Variants in NEMP2 observed in about 807,000 individuals in gnomAD.
NEMP2 encodes nuclear envelope integral membrane protein 2.
In NEMP2, 53 loss-of-function variants were observed where a neutral mutation model predicts 54.2. That is an observed-to-expected ratio of 0.98 (90% confidence interval 0.78 to 1.23). The LOEUF is 1.23. Among genes scored for constraint, NEMP2 ranks in the 50% most tolerant of loss-of-function variants. The pLI is 0.00. For synonymous variants in NEMP2, 197 were observed against 190.3 expected (o/e 1.04, Z -0.29); for missense variants, 455 against 511.3 (o/e 0.89, Z 1.06).
the NEMP2 span, among the ~76,000 whole-genome samples, chr2:190,601,614 T>C: frequency 6.6e-6 from 1 of 152,186 alleles, no homozygotes; most frequent in Non-Finnish European, 1.5e-5. This position sits in a 1 kb window ranked among gnomAD's most constrained non-coding sequence, Gnocchi z 5.8. Context: ...AGCAACTCCA[T>C]GAAAATAATG....
the NEMP2 span, among the ~76,000 whole-genome samples, chr2:190,562,233 T>C: frequency 6.6e-6 from 1 of 152,182 alleles, no homozygotes; most frequent in Non-Finnish European, 1.5e-5. This position sits in a 1 kb window ranked among gnomAD's most constrained non-coding sequence, Gnocchi z 5.0. Flanking sequence ...ACTCCATAGC[T>C]AAGCTCTGGT....
the NEMP2 span, among the ~76,000 whole-genome samples, chr2:190,495,900 A>T: frequency 1.3e-5 from 2 of 152,164 alleles, no homozygotes; most frequent in Admixed American, 6.5e-5. This position sits in a 1 kb window ranked among gnomAD's most constrained non-coding sequence, Gnocchi z 4.7. Context: ...AGAAGATAAC[A>T]TCAGAAAAAC....
the NEMP2 span, among the ~76,000 whole-genome samples, chr2:190,456,615 C>T: frequency 6.6e-6 from 1 of 152,228 alleles, no homozygotes; most frequent in Non-Finnish European, 1.5e-5. The surrounding 1 kb of genome is among the most constrained non-coding windows in gnomAD (Gnocchi z 5.4). Context: ...CTCTCTGTGG[C>T]CTGTTCACAC....
the NEMP2 span, chr2:190,626,427 C>T: frequency 6.6e-6 from 1 of 152,002 alleles, no homozygotes; most frequent in African/African-American, 2.4e-5. This position sits in a 1 kb window ranked among gnomAD's most constrained non-coding sequence, Gnocchi z 4.5. Context: ...GAGGAATGCC[C>T]TTTTATATTA....
At chr2:190,606,741 A>G in the NEMP2 span, among the ~76,000 whole-genome samples, 1 of 152,208 alleles carries the variant, frequency 6.6e-6, no homozygotes, top group African/African-American at 2.4e-5. Flanking sequence ...AAATTCAACA[A>G]GAAACTCCAA....
At chr2:190,560,970 T>C in the NEMP2 span, among the ~76,000 whole-genome samples, 1 of 152,240 alleles carries the variant, frequency 6.6e-6, no homozygotes, top group Non-Finnish European at 1.5e-5. The surrounding 1 kb of genome is among the most constrained non-coding windows in gnomAD (Gnocchi z 5.4). Context: ...AAACCATTTA[T>C]GTTTTGAGAA....
At chr2:190,627,614 C>T in the NEMP2 span, among the ~76,000 whole-genome samples, 2 of 149,386 alleles carry the variant, frequency 1.3e-5, no homozygotes, top group Non-Finnish European at 3.0e-5. This position sits in a 1 kb window ranked among gnomAD's most constrained non-coding sequence, Gnocchi z 4.4. Flanking sequence ...AAAACCTTAA[C>T]ATCTTCCCAG....
At chr2:190,452,719 T>A in the NEMP2 span, among the ~76,000 whole-genome samples, 1 of 152,208 alleles carries the variant, frequency 6.6e-6, no homozygotes, top group Non-Finnish European at 1.5e-5. Context: ...CACCCTCCTA[T>A]GTCTCTTCCT....
the NEMP2 span, among the ~76,000 whole-genome samples, chr2:190,593,858 G>A: frequency 6.6e-6 from 1 of 152,158 alleles, no homozygotes; most frequent in Non-Finnish European, 1.5e-5. The surrounding 1 kb of genome is among the most constrained non-coding windows in gnomAD (Gnocchi z 4.5). Context: ...GCTTCTAGCT[G>A]TGACCTCAAC....
rs1691086891 is a variant in NEMP2, at chr2:190,529,992, G to A, written c.97+4567C>T. On this transcript the variant is annotated intron_variant, in intron 1 of 8. Coordinates refer to ENST00000409150, the MANE Select transcript of NEMP2 (RefSeq NM_001142645.2). This position sits in a 1 kb window ranked among gnomAD's most constrained non-coding sequence, Gnocchi z 4.7. ...TGTAACCCTTAACATCCTCTGGACT[G>A]GGGATCATCTTCTTGCCCCTCACTG... 6.6e-6 allele frequency among the ~76,000 whole-genome samples: 1 copy of A among 152,184 alleles called. No individual in the cohort carries two copies. Among genetic ancestry groups the A allele is most frequent in the Admixed American group, 6.5e-5 (1 of 15,282 alleles).
At chr2:190,443,270 A>G in the NEMP2 span, among the ~76,000 whole-genome samples, 1 of 152,216 alleles carries the variant, frequency 6.6e-6, no homozygotes, top group Non-Finnish European at 1.5e-5. The surrounding 1 kb of genome is among the most constrained non-coding windows in gnomAD (Gnocchi z 4.2). Context: ...TGGCTCTGCA[A>G]CTTGGAACTA....
chr2:190,556,016 CACA>C, the NEMP2 span, among the ~76,000 whole-genome samples: 1 of 152,086 alleles, frequency 6.6e-6, no homozygotes. Flanking sequence ...CTGGCAGAGA[CACA>C]ACAAAAAAAG....
the NEMP2 span, among the ~76,000 whole-genome samples, chr2:190,644,553 G>C: frequency 2.0e-5 from 3 of 152,300 alleles, no homozygotes; most frequent in Non-Finnish European, 4.4e-5. The surrounding 1 kb of genome is among the most constrained non-coding windows in gnomAD (Gnocchi z 4.4). Context: ...TTAAACCTGA[G>C]AGCAGCCATA....
At chr2:190,422,640 T>G in the NEMP2 span, among the ~76,000 whole-genome samples, 1 of 152,214 alleles carries the variant, frequency 6.6e-6, no homozygotes, top group African/African-American at 2.4e-5. Context: ...AGGTAATTCG[T>G]TTGTCCCAGT....
rs1691097756 is a variant in NEMP2 at position 190,530,280 on chromosome 2, G to A, written c.97+4279C>T. On this transcript the variant is annotated intron_variant, in intron 1 of 8. Coordinates refer to ENST00000409150, the MANE Select transcript of NEMP2 (RefSeq NM_001142645.2). The surrounding 1 kb of genome is among the most constrained non-coding windows in gnomAD (Gnocchi z 4.6). Reference sequence around the variant, plus strand: ...CAGAGTGGCCTCTGGCTTTTGAGGTGAAGCTGATGTGGAATTTACACAATC... The same window carrying A: ...CAGAGTGGCCTCTGGCTTTTGAGGTAAAGCTGATGTGGAATTTACACAATC... Among the ~76,000 whole-genome samples the A allele has an allele frequency of 6.6e-6, 1 of 152,196 alleles. No individual in the cohort carries two copies. Among genetic ancestry groups the A allele is most frequent in the Non-Finnish European group, 1.5e-5 (1 of 68,040 alleles).
At chr2:190,607,921 C>G in the NEMP2 span, 1 of 152,206 alleles carries the variant, frequency 6.6e-6, no homozygotes, top group Non-Finnish European at 1.5e-5. The surrounding 1 kb of genome is among the most constrained non-coding windows in gnomAD (Gnocchi z 5.2). Context: ...GAGATGAAGA[C>G]TGGTGTACAG....
the NEMP2 span, among the ~76,000 whole-genome samples, chr2:190,558,306 C>T: frequency 1.3e-5 from 2 of 151,980 alleles, no homozygotes; most frequent in African/African-American, 2.4e-5. This position sits in a 1 kb window ranked among gnomAD's most constrained non-coding sequence, Gnocchi z 4.4. Flanking sequence ...GGAATATCAC[C>T]CACCGGGGCC....
At chr2:190,609,959 A>T in the NEMP2 span, 1 of 152,316 alleles carries the variant, frequency 6.6e-6, no homozygotes, top group East Asian at 1.9e-4. The surrounding 1 kb of genome is among the most constrained non-coding windows in gnomAD (Gnocchi z 4.7). Flanking sequence ...TCTAGTCTTA[A>T]GTTTGCAGGG....
At position 190,514,629 on chromosome 2, in the gene NEMP2, A is replaced by G; in HGVS notation, c.777T>C (p.His259=). The part of the protein sequence containing the change: ...GFFSFVVCYK[H]GPLADDRSRS... ...TGCTCCTGTCGTCTGCAAGGGGCCC[A>G]TGCTTGTAACAAACAACAAAGCTGA... The change falls in exon 7 of 9, where the codon CAT becomes CAC. Residue 259 remains histidine (H), a synonymous_variant. Transcript: ENST00000409150. The surrounding 1 kb of genome is among the most constrained non-coding windows in gnomAD (Gnocchi z 5.7). The G allele has an allele frequency of 6.4e-7, 1 of 1,551,774 alleles. No individual in the cohort carries two copies. Among genetic ancestry groups the G allele is most frequent in the East Asian group, 2.4e-5 (1 of 40,930 alleles).
Sources: allele counts gnomAD v4.1 joint callset (sites outside exome capture counted in the v4.1 genomes callset), GRCh38; gene constraint gnomAD v4.1.1; non-coding constraint Gnocchi (gnomAD v3.1); transcripts MANE v1.5; gene names NCBI Gene and HGNC (gene_info 2026-07-23, HGNC 2026-07-21).